The following EDN2 variants were observed in gnomAD, a reference collection of about 807,000 sequenced individuals.
The protein encoded by EDN2 is endothelin 2.
In EDN2, 10 loss-of-function variants were observed where a neutral mutation model predicts 19.9. That is an observed-to-expected ratio of 0.50 (90% CI 0.31 to 0.85). The LOEUF (loss-of-function observed/expected upper bound fraction) is 0.85. Ranked by LOEUF, EDN2 falls within the 40% of genes least tolerant of loss-of-function variation. The probability of loss-of-function intolerance (pLI) is 0.05; values close to 1 mark genes in which losing one functional copy is unlikely to be tolerated. For synonymous variants in EDN2, 84 were observed against 94.9 expected, an observed-to-expected ratio of 0.89 and a Z score of 0.67; for missense variants, 222 against 239.3, an observed-to-expected ratio of 0.93 and a Z score of 0.48.
At chr1:41,484,265 A>C in intron 1 of EDN2, 62 bp from the exon 2 acceptor site, 14 of 1,572,692 alleles carry the variant, frequency 8.9e-6, no homozygotes, top group Non-Finnish European at 1.2e-5. Flanking sequence ...CACATCCCAG[A>C]GTGGGGGACC....
rs1430881714 is a variant in EDN2 at position 41,484,624 on chromosome 1, T to C, written c.-23A>G. 6.4e-7 allele frequency: 1 copy of C among 1,552,944 alleles called. No individual in the cohort carries two copies. Among genetic ancestry groups the C allele is most frequent in the Non-Finnish European group, 8.7e-7 (1 of 1,147,870 alleles). ...CATAGCGGCGGTGGAGCGCGCAGGC[T>C]GGACTGGAGCAGGGAGTGCCTGTTG... On this transcript the variant is annotated 5_prime_UTR_variant, in exon 1 of 5. Coordinates refer to ENST00000372587, the MANE Select transcript of EDN2 (RefSeq NM_001956.5).
intron 2 of EDN2, chr1:41,482,838 C>T: frequency 6.2e-6 from 2 of 320,182 alleles, no homozygotes; most frequent in Non-Finnish European, 1.1e-5. Flanking sequence ...TGGCAAGACC[C>T]TCCCCTTCTC....
intron 3 of EDN2, 56 bp downstream of exon 3, chr1:41,482,410 G>A (rs1338191920): frequency 7.9e-6 from 12 of 1,517,756 alleles, no homozygotes; most frequent in Non-Finnish European, 9.7e-6. Context: ...CTGCTCCCCA[G>A]GGCATGCCCG....
chr1:41,481,027 A>G lies in EDN2; in HGVS notation c.443+68T>C, dbSNP rs966831441. 4 of 1,354,812 alleles carry G rather than the reference A, an allele frequency of 3.0e-6. No individual in the cohort carries two copies. In the African/African-American group the frequency reaches 4.3e-5, roughly 15 times the overall value. The allele number at this position is 1,354,812 out of a possible 1,614,324, so 83.9% of individuals were successfully genotyped here. A position where few individuals can be genotyped will look rare whatever the true frequency, so the allele number is the denominator to read the frequency against. ...ATGAGGACCCAGGCCTGCCTCACAT[A>G]GAAAATATGGGAAATGTGCAAGGCA... On this transcript the variant is annotated intron_variant, in intron 4 of 4. Transcript: ENST00000372587.
At chr1:41,482,633 AAGAG>A (rs763256796) in intron 2 of EDN2, 45 bp from the exon 3 acceptor site, 2 of 1,514,368 alleles carry the variant, frequency 1.3e-6, no homozygotes, top group Non-Finnish European at 1.8e-6. Flanking sequence ...GGTGGAGAGA[AAGAG>A]AGAGAGAGAA....
In EDN2 at chr1:41,484,099, T is replaced by C; in HGVS notation, c.169A>G (p.Lys57Glu). ...AAGTGGCAGAAGTAGACGCACTCCT[T>C]GTCGAGCCAGGAGCTGCAGGAGCAA... Reference protein sequence around the residue: ...RRCSCSSWLDKECVYFCHLDI... With the variant: ...RRCSCSSWLDEECVYFCHLDI... The change falls in exon 2 of 5, where the codon AAG becomes GAG. Residue 57 changes from lysine to glutamate, a missense_variant. Transcript: ENST00000372587. The C allele has an allele frequency of 6.2e-7, 1 of 1,613,634 alleles. No homozygotes were observed. Among genetic ancestry groups the C allele is most frequent in the Middle Eastern group, 1.7e-4 (1 of 6,020 alleles).
intron 2 of EDN2, 98 bp from the exon 3 acceptor site, chr1:41,482,686 T>C (rs996504048): frequency 1.8e-5 from 26 of 1,410,544 alleles, no homozygotes; most frequent in African/African-American, 1.0e-4. Context: ...ACCACAACCA[T>C]TGGCAAGCAG....
In EDN2 at chr1:41,482,487, G is replaced by A. The variant is rs781498204; in HGVS notation, c.323C>T (p.Thr108Ile). Residue 108 changes from threonine (T) to isoleucine (I), a missense_variant, in exon 3 of 5, where the codon ACC (threonine) becomes ATC (isoleucine). Transcript: ENST00000372587. ...CSSARDPACA[T>I]FCLRRPWTEA... ...CTACCAGGGCCTTCGAAGGCAGAAG[G>A]TGGCACAGGCGGGGTCCCTGGCACT... 6.2e-7 allele frequency: 1 copy of A among 1,602,280 alleles called. No homozygotes were observed. The highest frequency in any genetic ancestry group is 8.5e-7 in the Non-Finnish European group (1 of 1,174,900).
chr1:41,481,211 G>C lies in EDN2; in HGVS notation c.345-18C>G. 3.1e-6 allele frequency: 5 copies of C among 1,609,224 alleles called. No homozygotes were observed. Among genetic ancestry groups the C allele is most frequent in the Non-Finnish European group, 3.4e-6 (4 of 1,176,224 alleles). On this transcript the variant is annotated intron_variant, in intron 3 of 4. Transcript: ENST00000372587. ...CTTCAGTCCTACGTGAATAGCATTA[G>C]GGCCCAAGTGATGGACTGCCCAGGG...
rs983949769 is a variant in EDN2, at chr1:41,478,958, G to C, written c.*451C>G. 1 of 314,138 alleles carries C rather than the reference G, an allele frequency of 3.2e-6. No homozygotes were observed. Among genetic ancestry groups the C allele is most frequent in the African/African-American group, 2.2e-5 (1 of 46,386 alleles). 19.5% of individuals were successfully genotyped at this position (314,138 alleles called of 1,614,324 possible). A position where few individuals can be genotyped will look rare whatever the true frequency, so the allele number is the denominator to read the frequency against. On this transcript the variant is annotated 3_prime_UTR_variant, in exon 5 of 5. Coordinates refer to ENST00000372587, the MANE Select transcript of EDN2 (RefSeq NM_001956.5). ...AGGGAATGAGGGTGCAAGAACTCTG[G>C]GGAGGGAAAGCTGGAGAGGACACAG... is the stretch of plus-strand genomic sequence containing the variant.
At chr1:41,484,249 G>T (rs1016608266) in intron 1 of EDN2, 46 bp from the exon 2 acceptor site, 3 of 1,594,872 alleles carry the variant, frequency 1.9e-6, no homozygotes, top group African/African-American at 2.7e-5. Context: ...GGGTTGGGGT[G>T]CCTGGCACAT....
rs764188273 is a variant in EDN2, at chr1:41,481,085, A to C, written c.443+10T>G. The C allele has an allele frequency of 1.4e-5, 23 of 1,609,534 alleles. No homozygotes were observed. In the South Asian group the frequency reaches 2.4e-4, roughly 17 times the overall value. On this transcript the variant is annotated intron_variant, in intron 4 of 4. Transcript: ENST00000372587. ...GGTGCTCAGTCTGTGCATGTGTCCCACGCCCTCACCTCAGCCTTTGGAGAA... is the reference window on the plus strand; with the variant it reads ...GGTGCTCAGTCTGTGCATGTGTCCCCCGCCCTCACCTCAGCCTTTGGAGAA...
Position 41,482,542 on chromosome 1 carries a change from G to C in EDN2, c.268C>G (p.Arg90Gly). The C allele has an allele frequency of 1.9e-6, 3 of 1,588,084 alleles. No individual in the cohort carries two copies. Among genetic ancestry groups the C allele is most frequent in the Non-Finnish European group, 2.6e-6 (3 of 1,169,528 alleles). Residue 90 changes from arginine to glycine, a missense_variant, in exon 3 of 5, where the codon CGC becomes GGC. Transcript: ENST00000372587. ...CACTGACAGCGCCTTGGCAGGGAGCGGCGCCGGCGTCTTGGCGGGTTTCCC... is the reference window on the plus strand; with the variant it reads ...CACTGACAGCGCCTTGGCAGGGAGCCGCGCCGGCGTCTTGGCGGGTTTCCC... ...GLGNPPRRRR[R>G]SLPRRCQCSS...
chr1:41,481,459 G>A (rs1007289808), intron 3 of EDN2, among the ~76,000 whole-genome samples: 5 of 152,278 alleles, frequency 3.3e-5, no homozygotes, highest in African/African-American at 1.2e-4. Context: ...CAGCTGCAGG[G>A]GAAACTGAGG....
chr1:41,480,645 T>A (rs545210659), intron 4 of EDN2: 64 of 454,318 alleles, frequency 1.4e-4, no homozygotes, highest in Admixed American at 2.4e-4. Flanking sequence ...TGTTCTTGAG[T>A]TGGTTTGGTT....
At chr1:41,480,844 C>T (rs1216561355) in intron 4 of EDN2, 1 of 653,758 alleles carries the variant, frequency 1.5e-6, no homozygotes. Flanking sequence ...AGTCATGAGC[C>T]TTCAAACCCT....
At chr1:41,480,076 C>G (rs1644234094) in intron 4 of EDN2, among the ~76,000 whole-genome samples, 1 of 152,212 alleles carries the variant, frequency 6.6e-6, no homozygotes, top group Non-Finnish European at 1.5e-5. Context: ...CTCTGATCCC[C>G]TTTCTTAGCT....
intron 3 of EDN2, 37 bp downstream of exon 3, chr1:41,482,429 G>A: frequency 3.8e-6 from 6 of 1,563,368 alleles, no homozygotes; most frequent in Non-Finnish European, 5.2e-6. Flanking sequence ...CGGGCTTGCA[G>A]CTACCCTATG....
intron 2 of EDN2, 134 bp from the exon 3 acceptor site, chr1:41,482,722 C>G: frequency 2.4e-6 from 3 of 1,248,234 alleles, no homozygotes; most frequent in Non-Finnish European, 2.1e-6. Flanking sequence ...CCCACTGGGA[C>G]AGCCACCCAT....
Sources: gnomAD v4.1 joint callset for allele counts (sites outside exome capture counted in the v4.1 genomes callset) on GRCh38, gnomAD v4.1.1 for gene constraint, MANE v1.5 for transcripts, NCBI Gene and HGNC (gene_info 2026-07-23, HGNC 2026-07-21) for gene names.